Variants in ACAD10 observed in about 807,000 individuals in gnomAD.
ACAD10 encodes ACAD-10.
Under a neutral mutation model 116.8 loss-of-function variants are expected in ACAD10, and 112 were observed. That is an observed-to-expected ratio of 0.96 (90% CI 0.82 to 1.12). The LOEUF is 1.12. Among genes scored for constraint, ACAD10 ranks in the 50% most tolerant of loss-of-function variants. The pLI is 0.00. For synonymous variants in ACAD10, 486 were observed against 510.6 expected (o/e 0.95, Z 0.65); for missense variants, 1,259 against 1,350.2 (o/e 0.93, Z 1.06).
intron 10 of ACAD10, among the ~76,000 whole-genome samples, chr12:111,730,854 C>T (rs113013703): frequency 5.3e-5 from 8 of 151,970 alleles, no homozygotes; most frequent in South Asian, 2.1e-4. Context: ...TGGGTTCAAG[C>T]AATTCTCCCG....
chr12:111,755,648 G>T lies in ACAD10; in HGVS notation c.2962-20G>T, dbSNP rs368293369. ...GGCTGCCCTCGGGTCTTTTATGATC[G>T]CATCTCCTCCTCCTTACAGGCTGCA... On this transcript the variant is annotated intron_variant, in intron 19 of 20. Transcript: ENST00000313698. 7.5e-6 allele frequency: 12 copies of T among 1,607,746 alleles called. No homozygotes were observed. Among genetic ancestry groups the T allele is most frequent in the South Asian group, 3.3e-5 (3 of 90,896 alleles).
chr12:111,743,736 A>G (rs889518107), intron 12 of ACAD10, among the ~76,000 whole-genome samples: 9 of 151,902 alleles, frequency 5.9e-5, no homozygotes, highest in Non-Finnish European at 1.3e-4. Flanking sequence ...CCACTCCTCA[A>G]TTTTTTTATT....
chr12:111,719,974 G>A lies in ACAD10; in HGVS notation c.993-1697G>A, dbSNP rs540581971. 9.2e-5 allele frequency among the ~76,000 whole-genome samples: 14 copies of A among 152,122 alleles called. 1 individual carries two copies. The East Asian group carries it at 1.7e-3, about 19-fold the overall frequency. ...GATCTCCTGACCTCGTGATCCACCCGCCTCAGCCTCCCAAAGTGCTGAGAT... is the reference window on the plus strand; with the variant it reads ...GATCTCCTGACCTCGTGATCCACCCACCTCAGCCTCCCAAAGTGCTGAGAT... On this transcript the variant is annotated intron_variant, in intron 7 of 20. Coordinates refer to ENST00000313698, the MANE Select transcript of ACAD10 (RefSeq NM_025247.6).
chr12:111,692,921 T>C (rs1593012086), intron 2 of ACAD10, 25 bp downstream of exon 2: 1 of 1,610,446 alleles, frequency 6.2e-7, no homozygotes, highest in Non-Finnish European at 8.5e-7. Context: ...CTGTTTCACT[T>C]TGTGGGACTA....
chr12:111,733,716 C>G, intron 10 of ACAD10: 1 of 593,426 alleles, frequency 1.7e-6, no homozygotes, highest in Non-Finnish European at 3.0e-6. Context: ...GGCCCTTTCC[C>G]ATCTCCTGCT....
intron 4 of ACAD10, among the ~76,000 whole-genome samples, chr12:111,708,965 G>GAC (rs1215400010): frequency 6.6e-6 from 1 of 151,816 alleles, no homozygotes; most frequent in African/African-American, 2.4e-5. Context: ...TGTCTAAATG[G>GAC]AGTATGGATG....
chr12:111,749,855 A>G (rs1593055852), intron 18 of ACAD10: 1 of 148,998 alleles, frequency 6.7e-6, no homozygotes, highest in South Asian at 2.1e-4. Context: ...GCTCACTGCA[A>G]CCTCCACCTC....
chr12:111,731,248 C>T (rs1889377561), intron 10 of ACAD10, among the ~76,000 whole-genome samples: 2 of 152,218 alleles, frequency 1.3e-5, no homozygotes, highest in African/African-American at 2.4e-5. Flanking sequence ...GTGGTCATCA[C>T]GGGAGCTTGA....
At chr12:111,749,474 G>A in intron 18 of ACAD10, 129 bp downstream of exon 18, 2 of 1,244,100 alleles carry the variant, frequency 1.6e-6, no homozygotes, top group African/African-American at 3.0e-5. Flanking sequence ...TCCTTGCCAA[G>A]AAGTTGCATT....
Position 111,747,372 on chromosome 12 carries a change from A to C in ACAD10, c.2472A>C (p.Lys824Asn). Residue 824 changes from lysine (K) to asparagine (N), a missense_variant, in exon 16 of 21, where the codon AAA (lysine) becomes AAC (asparagine). Transcript: ENST00000313698. ...EDSFYVINGH[K>N]WWITGILDPR... The stretch of plus-strand genomic sequence containing the variant: ...GCTTCTATGTCATAAACGGTCACAA[A>C]TGGTGGATCACAGGTATTTGGCCTA... The C allele has an allele frequency of 6.2e-7, 1 of 1,614,156 alleles. No homozygotes were observed. Among genetic ancestry groups the C allele is most frequent in the Non-Finnish European group, 8.5e-7 (1 of 1,180,020 alleles).
intron 1 of ACAD10, among the ~76,000 whole-genome samples, chr12:111,686,606 C>T (rs2135937212): frequency 6.6e-6 from 1 of 152,308 alleles, no homozygotes; most frequent in South Asian, 2.1e-4. Context: ...GTCCAAGCTA[C>T]TTGGGAGGCT....
intron 18 of ACAD10, chr12:111,753,205 C>G: frequency 3.9e-6 from 1 of 254,884 alleles, no homozygotes; most frequent in South Asian, 4.5e-5. Context: ...AAAAGGAATA[C>G]TTAGAACCTT....
chr12:111,694,038 A>G (rs745698447), intron 2 of ACAD10, among the ~76,000 whole-genome samples: 29 of 152,270 alleles, frequency 1.9e-4, no homozygotes, highest in Non-Finnish European at 3.5e-4. Context: ...CAGGAAGGAC[A>G]AAGGGCCAGG....
Position 111,747,604 on chromosome 12 carries a change from G to A in ACAD10, c.2485+219G>A, listed in dbSNP as rs373912360. The A allele has an allele frequency of 1.8e-5, 25 of 1,373,972 alleles. 1 individual carries two copies. Among genetic ancestry groups the A allele is most frequent in the South Asian group, 1.4e-4 (9 of 64,782 alleles). The allele number at this position is 1,373,972 out of a possible 1,614,324, so 85.1% of individuals were successfully genotyped here. ...ACTTCACAGGGCAGGGACGTCCCCC[G>A]GTGCCCACACATGGACGGATGCCTC... On this transcript the variant is annotated intron_variant, in intron 16 of 20. Transcript: ENST00000313698.
At chr12:111,723,224 G>T (rs1346656015) in intron 8 of ACAD10, among the ~76,000 whole-genome samples, 1 of 129,054 alleles carries the variant, frequency 7.7e-6, no homozygotes, top group Non-Finnish European at 1.7e-5. Context: ...CGGACGGGGC[G>T]GCTGGCCGGG....
rs969528473 is a variant in ACAD10, at chr12:111,712,660, A to T, written c.850+3A>T. ...CTTACTGGGTATCCAGACCACAGGTATGTGGGCTTCTTTCATGTTTTGGTA... is the reference window on the plus strand; with the variant it reads ...CTTACTGGGTATCCAGACCACAGGTTTGTGGGCTTCTTTCATGTTTTGGTA... On this transcript the variant is annotated splice_donor_region_variant and intron_variant, in intron 6 of 20. Transcript: ENST00000313698. 6.2e-7 allele frequency: 1 copy of T among 1,612,934 alleles called. No homozygotes were observed. The highest frequency in any genetic ancestry group is 1.7e-5 in the Admixed American group (1 of 59,668).
Position 111,686,998 on chromosome 12 carries a change from T to C in ACAD10, c.-14+759T>C, listed in dbSNP as rs182967382. 1.6e-4 allele frequency among the ~76,000 whole-genome samples: 24 copies of C among 152,234 alleles called. 1 individual carries two copies. The highest frequency in any genetic ancestry group is 7.3e-5 in the Non-Finnish European group (5 of 68,046). On this transcript the variant is annotated intron_variant, in intron 1 of 20. Coordinates refer to ENST00000313698, the MANE Select transcript of ACAD10 (RefSeq NM_025247.6). ...CAGTTGTGAGGATGAAATGGAATTA[T>C]GTATATGGAGATAACATTAGCTTTT... is the stretch of plus-strand genomic sequence containing the variant.
chr12:111,733,800 C>A, intron 10 of ACAD10, 123 bp from the exon 11 acceptor site: 3 of 1,226,700 alleles, frequency 2.4e-6, no homozygotes, highest in Non-Finnish European at 2.3e-6. Flanking sequence ...GGAGCTCAGG[C>A]ACCCGGGCAC....
At chr12:111,687,896 G>C (rs1887921881) in intron 1 of ACAD10, among the ~76,000 whole-genome samples, 1 of 151,412 alleles carries the variant, frequency 6.6e-6, no homozygotes, top group Non-Finnish European at 1.5e-5. Flanking sequence ...TTGAGACGGA[G>C]TCTCACTCTG....
Sources: gnomAD v4.1 joint callset for allele counts (sites outside exome capture counted in the v4.1 genomes callset) on GRCh38, gnomAD v4.1.1 for gene constraint, MANE v1.5 for transcripts, NCBI Gene and HGNC (gene_info 2026-07-23, HGNC 2026-07-21) for gene names.